FARSB: variants seen among roughly 807,000 people sequenced by gnomAD.
FARSB encodes the protein phenylalanine--tRNA ligase beta subunit.
FARSB carries 40 observed loss-of-function variants against 69.6 expected under a neutral mutation model. The observed-to-expected ratio is 0.57, with a 90% CI of 0.45 to 0.75. FARSB has a LOEUF of 0.75. FARSB is among the 30% of genes least tolerant of loss of function. FARSB has a pLI of 0.00. For missense variants in FARSB, 632 were observed against 722.9 expected (o/e 0.87, Z 1.44); for synonymous variants, 235 against 247.2 (o/e 0.95, Z 0.46).
chr2:222,595,921 C>CATATAT (rs143991245), intron 16 of FARSB, among the ~76,000 whole-genome samples: 10,200 of 149,064 alleles, frequency 0.068, 471 homozygotes, highest in Non-Finnish European at 0.096. Context: ...AAAGAAAAAG[C>CATATAT]ATATATATAT....
At chr2:222,619,595 G>T in intron 14 of FARSB, 50 bp downstream of exon 14, 2 of 881,100 alleles carry the variant, frequency 2.3e-6, no homozygotes, top group Non-Finnish European at 3.8e-6. Context: ...CCTAACTCAT[G>T]TACTACCTCT....
intron 15 of FARSB, among the ~76,000 whole-genome samples, chr2:222,610,031 C>A (rs1690805113): frequency 1.3e-5 from 2 of 152,192 alleles, no homozygotes; most frequent in Non-Finnish European, 2.9e-5. Flanking sequence ...CTGGTACATT[C>A]TCTCAGCATT....
intron 2 of FARSB, among the ~76,000 whole-genome samples, chr2:222,647,661 A>G (rs1691904741): frequency 6.6e-6 from 1 of 152,238 alleles, no homozygotes; most frequent in African/African-American, 2.4e-5. Context: ...GCTACTCAGG[A>G]GGCTGAGGCA....
rs150009576 is a variant in FARSB at position 222,642,972 on chromosome 2, C to G, written c.148G>C (p.Gly50Arg). 59 of 1,608,430 alleles carry G rather than the reference C, an allele frequency of 3.7e-5. No individual in the cohort carries two copies. The highest frequency in any genetic ancestry group is 4.8e-5 in the Non-Finnish European group (57 of 1,176,136). The change falls in exon 3 of 17, where the codon GGT (glycine) becomes CGT (arginine). Residue 50 changes from glycine (G) to arginine (R), a missense_variant. Coordinates refer to ENST00000281828, the MANE Select transcript of FARSB (RefSeq NM_005687.5). ...GAGGCTCCTGCTGCCTTTACATTAC[C>G]TTGTTCTTTACTTATTATTTCCTTC... is the stretch of plus-strand genomic sequence containing the variant. ...SEKEIISKEQ[G>R]NVKAAGASDV... is the part of the protein sequence containing the mutation.
intron 6 of FARSB, among the ~76,000 whole-genome samples, 165 bp downstream of exon 6, chr2:222,634,226 T>A (rs971691324): frequency 3.9e-5 from 6 of 152,206 alleles, no homozygotes; most frequent in African/African-American, 1.4e-4. Context: ...AATAAAACTA[T>A]GTTCAGGTCC....
At chr2:222,595,780 C>T (rs1034047693) in intron 16 of FARSB, among the ~76,000 whole-genome samples, 9 of 152,154 alleles carry the variant, frequency 5.9e-5, no homozygotes, top group Non-Finnish European at 1.2e-4. Context: ...AACCACATAA[C>T]TGTTCCAAAT....
chr2:222,634,466 A>G lies in FARSB; in HGVS notation c.531T>C (p.Arg177=). Residue 177 remains arginine, a synonymous_variant, in exon 6 of 17, where the codon CGT becomes CGC. Coordinates refer to ENST00000281828, the MANE Select transcript of FARSB (RefSeq NM_005687.5). ...GAGGCTTGAATTTGATATCTGAAGG[A>G]CGCTTTGCAGTATAAGTAAATGGGC... The part of the protein sequence containing the change: ...LSGPFTYTAK[R]PSDIKFKPLN... The G allele has an allele frequency of 6.2e-7, 1 of 1,612,448 alleles. No homozygotes were observed. The highest frequency in any genetic ancestry group is 8.5e-7 in the Non-Finnish European group (1 of 1,178,712).
chr2:222,624,538 T>G, intron 11 of FARSB, 59 bp from the exon 12 acceptor site: 1 of 1,235,400 alleles, frequency 8.1e-7, no homozygotes, highest in Non-Finnish European at 1.2e-6. Flanking sequence ...ATGTTTACAT[T>G]GTGTTTCAAC....
At chr2:222,599,309 T>G (rs1690501244) in intron 16 of FARSB, among the ~76,000 whole-genome samples, 1 of 152,100 alleles carries the variant, frequency 6.6e-6, no homozygotes, top group African/African-American at 2.4e-5. Context: ...AAGCAAAAAT[T>G]TCAGAGTTCC....
chr2:222,571,189 A>G lies in FARSB; in HGVS notation c.*682T>C, dbSNP rs1196906207. 6.6e-6 allele frequency: 1 copy of G among 152,236 alleles called. No individual in the cohort carries two copies. Among genetic ancestry groups the G allele is most frequent in the Non-Finnish European group, 1.5e-5 (1 of 68,034 alleles). The allele number at this position is 152,236 out of a possible 1,614,324, so 9.4% of individuals were successfully genotyped here. On this transcript the variant is annotated 3_prime_UTR_variant, in exon 17 of 17. Transcript: ENST00000281828. ...ATGTTCATACTGCATTGATATCAAT[A>G]CTTGTCCATTTTAACTCTTACAGCA...
intron 1 of FARSB, among the ~76,000 whole-genome samples, chr2:222,653,737 C>A (rs375502900): frequency 3.3e-5 from 5 of 151,428 alleles, no homozygotes; most frequent in African/African-American, 1.2e-4. Flanking sequence ...TTTAAGCGAT[C>A]CTCCGGCCAC....
intron 15 of FARSB, among the ~76,000 whole-genome samples, chr2:222,604,320 G>A (rs1300255962): frequency 1.3e-5 from 2 of 151,878 alleles, no homozygotes; most frequent in East Asian, 3.9e-4. Context: ...TTCCATTTAA[G>A]CAACTGAAAT....
chr2:222,593,586 G>A (rs2106191872), intron 16 of FARSB, among the ~76,000 whole-genome samples: 1 of 152,256 alleles, frequency 6.6e-6, no homozygotes, highest in South Asian at 2.1e-4. Context: ...GTTATGGTAA[G>A]TACTCAAAAG....
intron 16 of FARSB, among the ~76,000 whole-genome samples, chr2:222,587,579 T>C (rs568319932): frequency 6.6e-6 from 1 of 152,244 alleles, no homozygotes; most frequent in South Asian, 2.1e-4. Flanking sequence ...GCTGGTTTTT[T>C]GAAAAGATCA....
chr2:222,639,632 G>A lies in FARSB; in HGVS notation c.403C>T (p.Arg135Ter). The change falls in exon 5 of 17, where the codon CGA becomes TGA. Residue 135 changes from arginine (R) to a stop codon, truncating the protein, a stop_gained. Coordinates refer to ENST00000281828, the MANE Select transcript of FARSB (RefSeq NM_005687.5). LOFTEE classifies it high-confidence loss of function. ...VLRNIKFTKD[R>*]YDSFIELQEK... ...TGAAGTTCAATGAAGCTGTCATATC[G>A]ATCTTTAGTAAACTTTATATTACGG... 4 of 1,596,734 alleles carry A rather than the reference G, an allele frequency of 2.5e-6. No individual in the cohort carries two copies. The highest frequency in any genetic ancestry group is 3.4e-6 in the Non-Finnish European group (4 of 1,169,970).
chr2:222,580,132 T>G (rs1255949764), intron 16 of FARSB, among the ~76,000 whole-genome samples: 1 of 151,562 alleles, frequency 6.6e-6, no homozygotes, highest in Non-Finnish European at 1.5e-5. Flanking sequence ...TTATACATAA[T>G]AAATATTATA....
At chr2:222,578,205 AAAAT>A (rs1433217054) in intron 16 of FARSB, among the ~76,000 whole-genome samples, 2 of 152,234 alleles carry the variant, frequency 1.3e-5, no homozygotes, top group Non-Finnish European at 2.9e-5. Context: ...AACAACTTCA[AAAAT>A]AAAAGAAATC....
chr2:222,651,798 G>A (rs1692044916), intron 1 of FARSB, among the ~76,000 whole-genome samples: 1 of 152,172 alleles, frequency 6.6e-6, no homozygotes, highest in African/African-American at 2.4e-5. Flanking sequence ...ATAAAATAAA[G>A]TCTTTGAACT....
In FARSB at chr2:222,636,373, G is replaced by A. The variant is rs142100963; in HGVS notation, c.456-1832C>T. 8.4e-3 allele frequency among the ~76,000 whole-genome samples: 1,128 copies of A among 134,748 alleles called. 14 individuals carry two copies. Among genetic ancestry groups the A allele is most frequent in the African/African-American group, 0.03 (1,035 of 34,466 alleles). 88.4% of individuals were successfully genotyped at this position (134,748 alleles called of 152,430 possible). A position where few individuals can be genotyped will look rare whatever the true frequency, so the allele number is the denominator to read the frequency against. On this transcript the variant is annotated intron_variant, in intron 5 of 16. Transcript: ENST00000281828. ...CGCACTCCAGCCTGGGCGAGAGTGC[G>A]AGACTCTATCTCAAAAAAAAAAAAA... is the stretch of plus-strand genomic sequence containing the variant.
Sources: gnomAD v4.1 joint callset for allele counts (sites outside exome capture counted in the v4.1 genomes callset) on GRCh38, gnomAD v4.1.1 for gene constraint, MANE v1.5 for transcripts, NCBI Gene and HGNC (gene_info 2026-07-23, HGNC 2026-07-21) for gene names.